LRRC72: variants seen among roughly 807,000 people sequenced by gnomAD.
The protein encoded by LRRC72 is leucine rich repeat containing 72, also known as leucine-rich repeat-containing protein 72.
LRRC72 carries 41 observed loss-of-function variants against 35.8 expected under a neutral mutation model. The observed-to-expected ratio is 1.15, with a 90% CI of 0.89 to 1.49. The LOEUF (loss-of-function observed/expected upper bound fraction) is 1.49. LRRC72 is among the 40% of genes most tolerant of loss of function. The pLI is 0.00. For synonymous variants in LRRC72, 118 were observed against 119.2 expected (o/e 0.99, Z 0.07); for missense variants, 389 against 330.7 (o/e 1.18, Z -1.37).
intron 5 of LRRC72, among the ~76,000 whole-genome samples, chr7:16,565,670 C>T (rs1782817878): frequency 6.6e-6 from 1 of 152,160 alleles, no homozygotes; most frequent in Non-Finnish European, 1.5e-5. Flanking sequence ...CCAACCACTG[C>T]ATTAGGAAGT....
At position 16,581,529 on chromosome 7, in the gene LRRC72, A is replaced by G. The variant is rs1461586156; in HGVS notation, c.*40A>G. 1 of 1,413,184 alleles carries G rather than the reference A, an allele frequency of 7.1e-7. No individual in the cohort carries two copies. Among genetic ancestry groups the G allele is most frequent in the Non-Finnish European group, 9.3e-7 (1 of 1,071,974 alleles). The allele number at this position is 1,413,184 out of a possible 1,614,324, so 87.5% of individuals were successfully genotyped here. On this transcript the variant is annotated 3_prime_UTR_variant, in exon 9 of 9. Transcript: ENST00000401542. ...AGATATCTTAGTGGTTTTCAGTTGTATATTAAACTTCCCTGTGACTTAGCA... is the reference window on the plus strand; with the variant it reads ...AGATATCTTAGTGGTTTTCAGTTGTGTATTAAACTTCCCTGTGACTTAGCA...
At chr7:16,557,865 C>G (rs1173743898) in intron 4 of LRRC72, among the ~76,000 whole-genome samples, 2 of 152,082 alleles carry the variant, frequency 1.3e-5, no homozygotes, top group Non-Finnish European at 2.9e-5. Flanking sequence ...TCATTTCAAG[C>G]CAGTTATAAA....
chr7:16,577,659 A>G (rs548692480), intron 7 of LRRC72, among the ~76,000 whole-genome samples: 1 of 152,338 alleles, frequency 6.6e-6, no homozygotes, highest in Non-Finnish European at 1.5e-5. Context: ...TCTTTATAAC[A>G]TATATAATAG....
intron 5 of LRRC72, among the ~76,000 whole-genome samples, chr7:16,562,246 C>G (rs1782755805): frequency 1.3e-5 from 2 of 152,100 alleles, no homozygotes; most frequent in African/African-American, 4.8e-5. Flanking sequence ...CTCAGTTTTC[C>G]TCTTCCCTTC....
At chr7:16,575,839 C>G in intron 7 of LRRC72, among the ~76,000 whole-genome samples, 1 of 152,104 alleles carries the variant, frequency 6.6e-6, no homozygotes, top group Non-Finnish European at 1.5e-5. Flanking sequence ...CAATAACAAA[C>G]AATGCAAGGT....
intron 1 of LRRC72, among the ~76,000 whole-genome samples, chr7:16,528,022 C>T (rs1293033966): frequency 2.0e-5 from 3 of 152,118 alleles, no homozygotes; most frequent in Non-Finnish European, 4.4e-5. Context: ...GGTTAACCAA[C>T]TAATTTAAAA....
chr7:16,547,486 C>A (rs1241025738), intron 3 of LRRC72, among the ~76,000 whole-genome samples: 1 of 152,198 alleles, frequency 6.6e-6, no homozygotes, highest in African/African-American at 2.4e-5. Context: ...CTAGGCACAG[C>A]TGCAGCTGCC....
intron 1 of LRRC72, chr7:16,530,440 T>C (rs765131018): frequency 1.3e-5 from 2 of 152,194 alleles, no homozygotes; most frequent in Non-Finnish European, 2.9e-5. Flanking sequence ...GTTTACTCAG[T>C]CCACTAATAC....
intron 3 of LRRC72, among the ~76,000 whole-genome samples, chr7:16,544,945 T>C (rs898976873): frequency 6.7e-6 from 1 of 148,342 alleles, no homozygotes; most frequent in Non-Finnish European, 1.5e-5. Context: ...TCATTGTTTA[T>C]AAACATCATT....
intron 3 of LRRC72, among the ~76,000 whole-genome samples, chr7:16,539,552 C>T (rs542930694): frequency 1.3e-5 from 2 of 152,330 alleles, no homozygotes; most frequent in Admixed American, 1.3e-4. Context: ...TTCAAGCCAG[C>T]CGCAGAAATT....
At chr7:16,546,335 T>C (rs1219597931) in intron 3 of LRRC72, among the ~76,000 whole-genome samples, 1 of 152,168 alleles carries the variant, frequency 6.6e-6, no homozygotes, top group Non-Finnish European at 1.5e-5. Context: ...TATTGCGTTT[T>C]GACCTGGATA....
chr7:16,533,358 G>T (rs1782200686), intron 2 of LRRC72, among the ~76,000 whole-genome samples: 1 of 152,088 alleles, frequency 6.6e-6, no homozygotes, highest in Admixed American at 6.5e-5. Flanking sequence ...ACCCAGGTAT[G>T]AGAGGAAAAG....
intron 8 of LRRC72, among the ~76,000 whole-genome samples, chr7:16,580,899 C>A (rs1015117409): frequency 2.6e-5 from 4 of 151,774 alleles, no homozygotes; most frequent in African/African-American, 9.7e-5. Context: ...AGATGTTTTT[C>A]TTTGGATACA....
intron 5 of LRRC72, among the ~76,000 whole-genome samples, chr7:16,563,106 C>G (rs1465078531): frequency 6.6e-6 from 1 of 152,162 alleles, no homozygotes; most frequent in East Asian, 1.9e-4. Context: ...TTTAACTTCT[C>G]CATGTCATTT....
intron 3 of LRRC72, among the ~76,000 whole-genome samples, chr7:16,552,357 C>T (rs1285346514): frequency 1.3e-5 from 2 of 151,604 alleles, no homozygotes; most frequent in Admixed American, 6.6e-5. Context: ...AATAGTTTAC[C>T]TCTGGAACAC....
intron 3 of LRRC72, among the ~76,000 whole-genome samples, chr7:16,540,188 C>T (rs1002845951): frequency 1.7e-4 from 26 of 152,318 alleles, no homozygotes; most frequent in East Asian, 1.9e-4. Flanking sequence ...GGAGCCCACC[C>T]TTTGCATCAG....
intron 7 of LRRC72, among the ~76,000 whole-genome samples, chr7:16,575,636 G>C (rs1416189338): frequency 6.6e-6 from 1 of 152,202 alleles, no homozygotes; most frequent in Non-Finnish European, 1.5e-5. Flanking sequence ...TACTTGATCT[G>C]ACACATACCA....
intron 3 of LRRC72, among the ~76,000 whole-genome samples, chr7:16,549,632 A>G (rs1782513815): frequency 6.6e-6 from 1 of 152,218 alleles, no homozygotes; most frequent in Admixed American, 6.5e-5. Flanking sequence ...CTTTGCATGA[A>G]TAGCTCTTGA....
At chr7:16,527,510 C>G (rs1782091614) in intron 1 of LRRC72, among the ~76,000 whole-genome samples, 1 of 151,630 alleles carries the variant, frequency 6.6e-6, no homozygotes, top group Non-Finnish European at 1.5e-5. Flanking sequence ...TATATTGTTC[C>G]CAGCAAGGGC....
Sources: gnomAD v4.1 joint callset for allele counts (sites outside exome capture counted in the v4.1 genomes callset) on GRCh38, gnomAD v4.1.1 for gene constraint, MANE v1.5 for transcripts, NCBI Gene and HGNC (gene_info 2026-07-23, HGNC 2026-07-21) for gene names.